SEMA6D: variants seen among roughly 807,000 people sequenced by gnomAD.
SEMA6D encodes semaphorin 6D.
SEMA6D carries 35 observed loss-of-function variants against 106.6 expected under a neutral mutation model. That is an observed-to-expected ratio of 0.33 (90% CI 0.25 to 0.44). SEMA6D has a LOEUF of 0.44. SEMA6D is among the 20% of genes least tolerant of loss of function. The pLI is 1.00. For missense variants in SEMA6D, 1,185 were observed against 1,345.9 expected (o/e 0.88, Z 1.87); for synonymous variants, 499 against 487.7 (o/e 1.02, Z -0.31).
chr15:47,669,085 T>G (rs960719042), intron 4 of SEMA6D, among the ~76,000 whole-genome samples: 1 of 152,174 alleles, frequency 6.6e-6, no homozygotes, highest in Non-Finnish European at 1.5e-5. Flanking sequence ...TTTCTCCCTT[T>G]GGCTAATGAT....
At chr15:47,579,921 T>G (rs2076226325) in intron 3 of SEMA6D, among the ~76,000 whole-genome samples, 1 of 152,118 alleles carries the variant, frequency 6.6e-6, no homozygotes, top group Non-Finnish European at 1.5e-5. Flanking sequence ...TTCAGACACA[T>G]TTTCGTAGGT....
intron 3 of SEMA6D, among the ~76,000 whole-genome samples, chr15:47,531,237 G>A (rs1031689284): frequency 1.3e-5 from 2 of 152,160 alleles, no homozygotes; most frequent in Admixed American, 6.5e-5. Context: ...TACACATATA[G>A]CAAATAGACA....
chr15:47,282,399 A>G (rs1347326704), intron 1 of SEMA6D, among the ~76,000 whole-genome samples: 2 of 152,168 alleles, frequency 1.3e-5, no homozygotes, highest in African/African-American at 4.8e-5. Flanking sequence ...AATACTATAC[A>G]GCAGGGAGAA....
chr15:47,215,604 C>T (rs538995829), intron 1 of SEMA6D, among the ~76,000 whole-genome samples: 1 of 152,124 alleles, frequency 6.6e-6, no homozygotes, highest in African/African-American at 2.4e-5. Flanking sequence ...ATATATGAGA[C>T]ACATATTCAT....
At chr15:47,617,961 C>A (rs556121090) in intron 4 of SEMA6D, among the ~76,000 whole-genome samples, 3 of 152,294 alleles carry the variant, frequency 2.0e-5, no homozygotes, top group African/African-American at 7.2e-5. Flanking sequence ...TCGTCTAATT[C>A]CTTGTCTCTT....
chr15:47,673,975 A>G (rs546313416), intron 4 of SEMA6D, among the ~76,000 whole-genome samples: 14 of 152,078 alleles, frequency 9.2e-5, no homozygotes, highest in African/African-American at 3.4e-4. Context: ...ATTGTCTCCT[A>G]TCTGATTCAA....
In SEMA6D at chr15:47,765,974, C is replaced by T. The variant is rs1027116923; in HGVS notation, c.1533C>T (p.Pro511=). The change falls in exon 14 of 19, where the codon CCC becomes CCT. Residue 511 remains proline, a synonymous_variant. Transcript: ENST00000536845. ...VAFSSCIIRI[P]LSRCERYGSC... is the part of the protein sequence containing the mutation. ...TCTCTAGCTGCATTATCCGCATCCC[C>T]CTCAGTCGCTGTGAGCGTTATGGAT... The T allele has an allele frequency of 3.1e-6, 5 of 1,595,162 alleles. No individual in the cohort carries two copies. Among genetic ancestry groups the T allele is most frequent in the Non-Finnish European group, 4.3e-6 (5 of 1,170,398 alleles).
chr15:47,242,412 T>A (rs1226481976), intron 1 of SEMA6D, among the ~76,000 whole-genome samples: 1 of 152,186 alleles, frequency 6.6e-6, no homozygotes, highest in Non-Finnish European at 1.5e-5. Flanking sequence ...AAAGCTGAGC[T>A]GCTTATTCTG....
At chr15:47,426,800 T>G (rs2140480612) in intron 2 of SEMA6D, among the ~76,000 whole-genome samples, 1 of 152,268 alleles carries the variant, frequency 6.6e-6, no homozygotes, top group South Asian at 2.1e-4. Flanking sequence ...TATAATATCC[T>G]AAGGGCTGCT....
chr15:47,423,906 T>C (rs1458842600), intron 2 of SEMA6D, among the ~76,000 whole-genome samples: 1 of 152,104 alleles, frequency 6.6e-6, no homozygotes, highest in Non-Finnish European at 1.5e-5. Context: ...ACTAAAATCA[T>C]TTAAAGATGA....
At chr15:47,614,893 A>T (rs1467087217) in intron 4 of SEMA6D, among the ~76,000 whole-genome samples, 1 of 152,186 alleles carries the variant, frequency 6.6e-6, no homozygotes, top group Non-Finnish European at 1.5e-5. Context: ...CTACAGGTTT[A>T]ATCTGGTGAT....
upstream of SEMA6D, chr15:47,717,373 C>G (rs921212001): frequency 6.6e-6 from 1 of 151,954 alleles, no homozygotes; most frequent in Admixed American, 6.6e-5. Flanking sequence ...CGTCCGTGCC[C>G]GGGGGTGGGA....
chr15:47,708,231 C>G (rs1038731085), intron 4 of SEMA6D, among the ~76,000 whole-genome samples: 1 of 152,152 alleles, frequency 6.6e-6, no homozygotes, highest in Non-Finnish European at 1.5e-5. Flanking sequence ...CTAGCACATG[C>G]CAATTAAGGA....
At chr15:47,552,523 T>C (rs1207180281) in intron 3 of SEMA6D, among the ~76,000 whole-genome samples, 1 of 46,448 alleles carries the variant, frequency 2.2e-5, no homozygotes, top group Non-Finnish European at 6.8e-5. Flanking sequence ...TATATATATG[T>C]ATACACACAC....
chr15:47,650,913 C>T lies in SEMA6D; in HGVS notation c.-55+50017C>T, dbSNP rs144322855. ...CTGGAAGTCAGTGCTGATCACACTG[C>T]ATCATTGATTCATTAGACCAGTCAG... On this transcript the variant is annotated intron_variant, in intron 4 of 19. Coordinates refer to the SEMA6D transcript ENST00000558014. Among the ~76,000 whole-genome samples the T allele has an allele frequency of 5.3e-4, 81 of 152,288 alleles. 1 individual carries two copies. Among genetic ancestry groups the T allele is most frequent in the African/African-American group, 1.9e-3 (77 of 41,562 alleles).
chr15:47,678,421 T>G (rs2078287231), intron 4 of SEMA6D, among the ~76,000 whole-genome samples: 1 of 152,204 alleles, frequency 6.6e-6, no homozygotes, highest in African/African-American at 2.4e-5. Context: ...CCTTCCTTTC[T>G]TTCACAATAT....
chr15:47,764,450 G>T, intron 11 of SEMA6D, 145 bp downstream of exon 11: 1 of 1,261,194 alleles, frequency 7.9e-7, no homozygotes. Context: ...ATAGCCTTGT[G>T]ACCTGCAAGC....
chr15:47,737,993 A>G (rs2080548584), intron 1 of SEMA6D, among the ~76,000 whole-genome samples: 1 of 152,052 alleles, frequency 6.6e-6, no homozygotes, highest in Non-Finnish European at 1.5e-5. Context: ...CTCCTTCGTA[A>G]CAATTTGCAT....
intron 3 of SEMA6D, among the ~76,000 whole-genome samples, chr15:47,589,152 C>T (rs2076393691): frequency 6.6e-6 from 1 of 152,152 alleles, no homozygotes; most frequent in Admixed American, 6.5e-5. Flanking sequence ...ACATGAGGGT[C>T]CCCTCCCGGC....
Sources: gnomAD v4.1 joint callset for allele counts (sites outside exome capture counted in the v4.1 genomes callset) on GRCh38, gnomAD v4.1.1 for gene constraint, MANE v1.5 for transcripts, NCBI Gene and HGNC (gene_info 2026-07-23, HGNC 2026-07-21) for gene names.